Variants in SGO2 observed in about 807,000 individuals in gnomAD.
The protein encoded by SGO2 is shugoshin-like 2.
In SGO2, 68 loss-of-function variants were observed where a neutral mutation model predicts 99.5. The observed-to-expected ratio is 0.68, with a 90% CI of 0.56 to 0.84. The LOEUF (loss-of-function observed/expected upper bound fraction) is 0.84. SGO2 is among the 40% of genes least tolerant of loss of function. SGO2 has a pLI of 0.00. For missense variants in SGO2, 1,350 were observed against 1,436.7 expected, an observed-to-expected ratio of 0.94 and a Z score of 0.97; for synonymous variants, 457 against 487.1, an observed-to-expected ratio of 0.94 and a Z score of 0.81.
intron 7 of SGO2, among the ~76,000 whole-genome samples, chr2:200,574,565 C>A (rs529909254): frequency 1.3e-5 from 2 of 152,156 alleles, no homozygotes; most frequent in African/African-American, 4.8e-5. Flanking sequence ...CTAGAGGAAT[C>A]TTCAAACGCA....
intron 2 of SGO2, among the ~76,000 whole-genome samples, chr2:200,533,651 AG>A (rs1354531889): frequency 1.3e-5 from 2 of 151,804 alleles, no homozygotes; most frequent in African/African-American, 4.8e-5. Flanking sequence ...CAAAAAAAAA[AG>A]GAGGTGGGAA....
intron 1 of SGO2, among the ~76,000 whole-genome samples, chr2:200,528,440 T>G (rs1190714350): frequency 6.6e-6 from 1 of 152,098 alleles, no homozygotes; most frequent in Non-Finnish European, 1.5e-5. Flanking sequence ...TAATTGATCA[T>G]AGAATAGATG....
At position 200,573,334 on chromosome 2, in the gene SGO2, C is replaced by T; in HGVS notation, c.2988C>T (p.Asn996=). 1 of 1,605,418 alleles carries T rather than the reference C, an allele frequency of 6.2e-7. No individual in the cohort carries two copies. Among genetic ancestry groups the T allele is most frequent in the Non-Finnish European group, 8.5e-7 (1 of 1,177,508 alleles). The part of the protein sequence containing the change: ...RKKESSCKAK[N]ILTKAKNKLA... ...AAGAATCATCATGCAAGGCAAAGAA[C>T]ATTTTGACAAAAGCTAAGAACAAAC... The change falls in exon 7 of 9, where the codon AAC becomes AAT. Residue 996 remains asparagine (N), a synonymous_variant. Coordinates refer to ENST00000357799, the MANE Select transcript of SGO2 (RefSeq NM_152524.6).
chr2:200,577,032 ATTG>A (rs2033688915), intron 8 of SGO2, among the ~76,000 whole-genome samples: 1 of 147,696 alleles, frequency 6.8e-6, no homozygotes, highest in Non-Finnish European at 1.5e-5. Context: ...TGTGTAAAGT[ATTG>A]TTTTTTTTTT....
At chr2:200,561,821 A>AT (rs2032983705) in intron 5 of SGO2, among the ~76,000 whole-genome samples, 1 of 151,982 alleles carries the variant, frequency 6.6e-6, no homozygotes, top group Non-Finnish European at 1.5e-5. Context: ...GATGATGAGC[A>AT]TTTTTTCATG....
At chr2:200,582,975 TAAAAC>T (rs1487362782) in intron 8 of SGO2, among the ~76,000 whole-genome samples, 1 of 152,128 alleles carries the variant, frequency 6.6e-6, no homozygotes, top group African/African-American at 2.4e-5. Flanking sequence ...CACAAACGCT[TAAAAC>T]AAAACTGTAA....
At chr2:200,542,295 G>A (rs2031998926) in intron 4 of SGO2, among the ~76,000 whole-genome samples, 1 of 152,134 alleles carries the variant, frequency 6.6e-6, no homozygotes, top group Non-Finnish European at 1.5e-5. Context: ...TTGCATGTAT[G>A]TAAAGATATT....
Position 200,548,362 on chromosome 2 carries a change from T to TA in SGO2, c.473+5700dup, listed in dbSNP as rs2032330472. The stretch of plus-strand genomic sequence containing the variant: ...AAATGGAAATTAAACAACATGCTCC[T>TA]AAGCAACCAATGGGTCAAAGAAGCA... On this transcript the variant is annotated intron_variant, in intron 5 of 8. Coordinates refer to ENST00000357799, the MANE Select transcript of SGO2 (RefSeq NM_152524.6). 3.3e-5 allele frequency among the ~76,000 whole-genome samples: 5 copies of TA among 152,012 alleles called. No individual in the cohort carries two copies. The South Asian group carries it at 1.0e-3, about 32-fold the overall frequency.
chr2:200,578,038 G>T (rs2106352218), intron 8 of SGO2, among the ~76,000 whole-genome samples: 1 of 152,094 alleles, frequency 6.6e-6, no homozygotes, highest in Admixed American at 6.5e-5. Flanking sequence ...AGCATCCATT[G>T]GTGGATCTTG....
intron 4 of SGO2, 59 bp downstream of exon 4, chr2:200,536,201 T>G: frequency 9.5e-7 from 1 of 1,054,976 alleles, no homozygotes; most frequent in South Asian, 1.6e-5. Context: ...ATCACTGAGA[T>G]TACTTAAATA....
chr2:200,533,739 G>A (rs528540362), intron 2 of SGO2, among the ~76,000 whole-genome samples: 1 of 152,110 alleles, frequency 6.6e-6, no homozygotes, highest in Admixed American at 6.6e-5. Flanking sequence ...AGTTGGGGAG[G>A]TATCCTTTTA....
chr2:200,568,008 G>A (rs1212556066), intron 5 of SGO2, among the ~76,000 whole-genome samples: 1 of 152,116 alleles, frequency 6.6e-6, no homozygotes, highest in African/African-American at 2.4e-5. Context: ...TGGTAACTCC[G>A]TGTTTAACTT....
chr2:200,545,723 T>C (rs1372096664), intron 5 of SGO2, among the ~76,000 whole-genome samples: 1 of 152,112 alleles, frequency 6.6e-6, no homozygotes, highest in Non-Finnish European at 1.5e-5. Flanking sequence ...GCCCGAACTA[T>C]GTGGAAAATC....
intron 5 of SGO2, among the ~76,000 whole-genome samples, chr2:200,555,485 G>A (rs942215104): frequency 1.3e-5 from 2 of 151,986 alleles, no homozygotes; most frequent in African/African-American, 2.4e-5. Context: ...GAAATGCTAC[G>A]GAACAAGACA....
intron 5 of SGO2, among the ~76,000 whole-genome samples, chr2:200,564,919 T>G (rs2106336888): frequency 6.6e-6 from 1 of 152,342 alleles, no homozygotes; most frequent in African/African-American, 2.4e-5. Context: ...GCTTGGTAGA[T>G]CTTCCTCCAT....
chr2:200,571,578 A>G lies in SGO2; in HGVS notation c.1232A>G (p.Glu411Gly), dbSNP rs896298974. ...GATTCCAGCTCTGAAAAAAAGAGAG[A>G]AAGATCAAAGAGACAGTTTAAAAAT... The part of the protein sequence containing the change: ...VKDSSSEKKR[E>G]RSKRQFKNSS... The change falls in exon 7 of 9, where the codon GAA becomes GGA. Residue 411 changes from glutamate (E) to glycine (G), a missense_variant. Transcript: ENST00000357799. The G allele has an allele frequency of 5.0e-6, 8 of 1,612,202 alleles. No individual in the cohort carries two copies. Among genetic ancestry groups the G allele is most frequent in the Non-Finnish European group, 6.8e-6 (8 of 1,179,494 alleles).
chr2:200,559,161 T>TTA (rs2032842395), intron 5 of SGO2, among the ~76,000 whole-genome samples: 1 of 152,140 alleles, frequency 6.6e-6, no homozygotes, highest in Non-Finnish European at 1.5e-5. Context: ...TCTTCTTATG[T>TTA]TAGGTTTGTA....
At chr2:200,565,949 T>C (rs1257696086) in intron 5 of SGO2, among the ~76,000 whole-genome samples, 1 of 152,240 alleles carries the variant, frequency 6.6e-6, no homozygotes, top group Admixed American at 6.5e-5. Flanking sequence ...CTGTTTATTC[T>C]AGTTAGCCAT....
chr2:200,569,093 C>T (rs55837410), intron 5 of SGO2, among the ~76,000 whole-genome samples: 25,050 of 151,738 alleles, frequency 0.17, 2,325 homozygotes, highest in Non-Finnish European at 0.21. Flanking sequence ...TGTTTGTGGA[C>T]GATATTACTC....
Sources: gnomAD v4.1 joint callset for allele counts (sites outside exome capture counted in the v4.1 genomes callset) on GRCh38, gnomAD v4.1.1 for gene constraint, MANE v1.5 for transcripts, NCBI Gene and HGNC (gene_info 2026-07-23, HGNC 2026-07-21) for gene names.